Variants in CCDC73 observed in about 807,000 individuals in gnomAD.
CCDC73 encodes the protein coiled-coil domain-containing protein 73.
In CCDC73, 95 loss-of-function variants were observed where a neutral mutation model predicts 116.5. That is an observed-to-expected ratio of 0.82 (90% CI 0.69 to 0.97). CCDC73 has a LOEUF of 0.97. CCDC73 is among the 50% of genes least tolerant of loss of function. The pLI is 0.00. For synonymous variants in CCDC73, 398 were observed against 401.3 expected (o/e 0.99, Z 0.10); for missense variants, 1,066 against 1,206.8 (o/e 0.88, Z 1.73).
At chr11:32,705,614 G>A (rs953399295) in intron 3 of CCDC73, among the ~76,000 whole-genome samples, 1 of 152,162 alleles carries the variant, frequency 6.6e-6, no homozygotes, top group Non-Finnish European at 1.5e-5. Flanking sequence ...AGTGCAGCCC[G>A]CCAGGTCAAG....
At chr11:32,807,629 T>C in the CCDC73 span, among the ~76,000 whole-genome samples, 1 of 151,644 alleles carries the variant, frequency 6.6e-6, no homozygotes. Context: ...CTATTGTTAG[T>C]GTTAGTGTGT....
chr11:32,683,893 T>C (rs540655337), intron 6 of CCDC73, among the ~76,000 whole-genome samples: 1 of 152,064 alleles, frequency 6.6e-6, no homozygotes, highest in Non-Finnish European at 1.5e-5. Context: ...GCAAGAGAGA[T>C]AGAGAGAGCA....
chr11:32,764,776 A>G lies in CCDC73; in HGVS notation c.-15-4518T>C, dbSNP rs181968063. On this transcript the variant is annotated intron_variant, in intron 1 of 17. Coordinates refer to ENST00000335185, the MANE Select transcript of CCDC73 (RefSeq NM_001008391.4). The stretch of plus-strand genomic sequence containing the variant: ...TCACACATAACAATATTAACCTTAA[A>G]TGTAAATGGGCTAAATGCTCCAATT... Among the ~76,000 whole-genome samples, 1,131 of 152,328 alleles carry G rather than the reference A, an allele frequency of 7.4e-3. 11 individuals carry two copies. The highest frequency in any genetic ancestry group is 0.014 in the Middle Eastern group (4 of 294).
chr11:32,735,450 A>C (rs1241061993), intron 2 of CCDC73, among the ~76,000 whole-genome samples: 2 of 152,262 alleles, frequency 1.3e-5, no homozygotes, highest in Non-Finnish European at 2.9e-5. Flanking sequence ...CTAGGAATCC[A>C]TCTTACAAGG....
At chr11:32,654,715 G>A (rs1380831825) in intron 10 of CCDC73, 129 bp downstream of exon 10, 1 of 692,312 alleles carries the variant, frequency 1.4e-6, no homozygotes, top group Non-Finnish European at 2.2e-6. Flanking sequence ...TAAAAAAACA[G>A]ATTAATAATA....
chr11:32,727,893 T>G (rs1850042498), intron 2 of CCDC73, among the ~76,000 whole-genome samples: 1 of 152,084 alleles, frequency 6.6e-6, no homozygotes, highest in African/African-American at 2.4e-5. Flanking sequence ...ACTGTGATTT[T>G]TCTAAGGGTG....
the CCDC73 span, among the ~76,000 whole-genome samples, chr11:32,816,187 A>G: frequency 6.6e-6 from 1 of 152,210 alleles, no homozygotes; most frequent in Non-Finnish European, 1.5e-5. Flanking sequence ...TATTAACCTA[A>G]AGTGAGATAA....
chr11:32,753,593 T>C (rs540938956), intron 2 of CCDC73, among the ~76,000 whole-genome samples: 48 of 152,172 alleles, frequency 3.2e-4, no homozygotes, highest in African/African-American at 1.2e-3. Context: ...GCCTCCCGAG[T>C]AGCTGGGATT....
the CCDC73 span, among the ~76,000 whole-genome samples, chr11:32,823,216 G>A: frequency 6.6e-6 from 1 of 152,240 alleles, no homozygotes; most frequent in African/African-American, 2.4e-5. Flanking sequence ...GCTCATGCCT[G>A]TAATCCCAGC....
chr11:32,606,537 T>G (rs115961310), intron 17 of CCDC73, among the ~76,000 whole-genome samples: 1 of 152,228 alleles, frequency 6.6e-6, no homozygotes, highest in South Asian at 2.1e-4. Flanking sequence ...ACTTGGCACA[T>G]AGTAATAAGC....
chr11:32,764,948 A>G (rs973859180), intron 1 of CCDC73, among the ~76,000 whole-genome samples: 3 of 152,166 alleles, frequency 2.0e-5, no homozygotes, highest in African/African-American at 7.2e-5. Context: ...AACAAAAAAA[A>G]GCAGGGGTTG....
At chr11:32,666,446 C>T (rs528173655) in intron 9 of CCDC73, among the ~76,000 whole-genome samples, 32 of 152,278 alleles carry the variant, frequency 2.1e-4, no homozygotes, top group South Asian at 1.2e-3. Context: ...TCCAGTTAAT[C>T]GAATCGGCTA....
intron 2 of CCDC73, among the ~76,000 whole-genome samples, chr11:32,750,985 C>G (rs1850283118): frequency 6.6e-6 from 1 of 152,168 alleles, no homozygotes; most frequent in Non-Finnish European, 1.5e-5. Context: ...CTGGTTATTG[C>G]TGCCGATTAT....
intron 9 of CCDC73, among the ~76,000 whole-genome samples, chr11:32,672,412 G>A (rs1469761307): frequency 6.6e-6 from 1 of 152,100 alleles, no homozygotes; most frequent in Non-Finnish European, 1.5e-5. Flanking sequence ...CAAAAAATTA[G>A]TACAGAATTT....
intron 13 of CCDC73, among the ~76,000 whole-genome samples, chr11:32,637,023 T>TC (rs1855687496): frequency 1.5e-5 from 2 of 133,750 alleles, no homozygotes; most frequent in African/African-American, 2.7e-5. Context: ...TTTTCTTTTT[T>TC]TTTTTTTTTT....
the CCDC73 span, among the ~76,000 whole-genome samples, chr11:32,808,498 G>T: frequency 5.3e-5 from 8 of 152,126 alleles, no homozygotes; most frequent in South Asian, 2.1e-4. Context: ...AATTAGCCAG[G>T]CGTGGTGGCA....
intron 1 of CCDC73, among the ~76,000 whole-genome samples, chr11:32,772,290 G>A (rs1055232072): frequency 6.6e-6 from 1 of 151,708 alleles, no homozygotes; most frequent in African/African-American, 2.4e-5. Flanking sequence ...AATGTCAGAC[G>A]ATTCCCAGCT....
rs898770012 is a variant in CCDC73, at chr11:32,641,370, A to C, written c.1050+602T>G. On this transcript the variant is annotated intron_variant, in intron 13 of 17. Transcript: ENST00000335185. The stretch of plus-strand genomic sequence containing the variant: ...CCTTTATATTTCACAACTTGATTTC[A>C]CCTCATCTTACACTATTATCTACCT... Among the ~76,000 whole-genome samples the C allele has an allele frequency of 2.6e-5, 4 of 152,224 alleles. 1 individual carries two copies. In the East Asian group the frequency reaches 7.7e-4, roughly 29 times the overall value.
intron 17 of CCDC73, chr11:32,604,540 C>T (rs1163502628): frequency 1.1e-4 from 16 of 152,176 alleles, no homozygotes; most frequent in Admixed American, 6.5e-5. Flanking sequence ...TTTCTGTATA[C>T]ACTTTTTAAA....
Sources: allele counts gnomAD v4.1 joint callset (sites outside exome capture counted in the v4.1 genomes callset), GRCh38; gene constraint gnomAD v4.1.1; transcripts MANE v1.5; gene names NCBI Gene and HGNC (gene_info 2026-07-23, HGNC 2026-07-21).